Variants in RAC1 observed in about 807,000 individuals in gnomAD.
The protein encoded by RAC1 is Rac family small GTPase 1, also known as ras-related C3 botulinum toxin substrate 1.
A neutral mutation model predicts 25.2 loss-of-function variants in RAC1; 2 were observed. The ratio of observed to expected loss-of-function variants is 0.08; its 90% CI spans 0.03 to 0.25. RAC1 has a LOEUF of 0.25. Ranked by LOEUF, RAC1 falls within the 10% of genes least tolerant of loss-of-function variation. The pLI is 1.00. For missense variants in RAC1, 50 were observed against 235.7 expected, an observed-to-expected ratio of 0.21 and a Z score of 5.16; for synonymous variants, 88 against 94.0, an observed-to-expected ratio of 0.94 and a Z score of 0.37.
chr7:6,385,558 A>C (rs745394185), intron 1 of RAC1, among the ~76,000 whole-genome samples: 1 of 152,146 alleles, frequency 6.6e-6, no homozygotes, highest in Non-Finnish European at 1.5e-5. Flanking sequence ...CCAATGAGTC[A>C]TTTCTGTTTA....
intron 1 of RAC1, among the ~76,000 whole-genome samples, chr7:6,379,177 C>G (rs796412591): frequency 2.0e-4 from 30 of 151,878 alleles, no homozygotes; most frequent in African/African-American, 7.2e-4. Context: ...TATTGGCTCA[C>G]TGCAGCCTCC....
chr7:6,390,962 A>G (rs868089469), intron 2 of RAC1, among the ~76,000 whole-genome samples: 2 of 152,062 alleles, frequency 1.3e-5, no homozygotes, highest in Non-Finnish European at 2.9e-5. Flanking sequence ...CAGTGGCGCA[A>G]CTTGGCCCAC....
At chr7:6,388,381 T>C (rs1402402813) in intron 2 of RAC1, among the ~76,000 whole-genome samples, 1 of 146,236 alleles carries the variant, frequency 6.8e-6, no homozygotes, top group Non-Finnish European at 1.5e-5. Context: ...AGTCTCTCTC[T>C]CTTGCCCAGG....
Position 6,374,771 on chromosome 7 carries a change from G to A in RAC1, c.35+1G>A. 1 of 1,144,228 alleles carries A rather than the reference G, an allele frequency of 8.7e-7. No individual in the cohort carries two copies. The highest frequency in any genetic ancestry group is 3.4e-5 in the South Asian group (1 of 29,132). 70.9% of individuals were successfully genotyped at this position (1,144,228 alleles called of 1,614,324 possible). On this transcript the variant is annotated splice_donor_variant, in intron 1 of 5. Coordinates refer to ENST00000348035, the MANE Select transcript of RAC1 (RefSeq NM_006908.5). LOFTEE classifies it high-confidence loss of function. Reference sequence around the variant, plus strand: ...TCAAGTGTGTGGTGGTGGGAGACGGGTGAGTGCGCGGCCGGGGCCGGGCTG... The same window carrying A: ...TCAAGTGTGTGGTGGTGGGAGACGGATGAGTGCGCGGCCGGGGCCGGGCTG...
Position 6,403,195 on chromosome 7 carries a change from A to G in RAC1, c.*749A>G, listed in dbSNP as rs1583272533. The stretch of plus-strand genomic sequence containing the variant: ...GACAAAATACGAAGTGGAGATTTAC[A>G]CTACATTGTACAAGGAATGAAAGTG... On this transcript the variant is annotated 3_prime_UTR_variant, in exon 6 of 6. Coordinates refer to ENST00000348035, the MANE Select transcript of RAC1 (RefSeq NM_006908.5). 3 of 222,170 alleles carry G rather than the reference A, an allele frequency of 1.4e-5. No homozygotes were observed. In the East Asian group the frequency reaches 2.0e-4, roughly 15 times the overall value. The allele number at this position is 222,170 out of a possible 1,614,324, so 13.8% of individuals were successfully genotyped here. A position where few individuals can be genotyped will look rare whatever the true frequency, so the allele number is the denominator to read the frequency against.
chr7:6,399,763 C>A lies in RAC1; in HGVS notation c.226-363C>A, dbSNP rs925405506. 1.5e-5 allele frequency: 3 copies of A among 201,844 alleles called. No homozygotes were observed. In the Admixed American group the frequency reaches 1.7e-4, roughly 11 times the overall value. The allele number at this position is 201,844 out of a possible 1,614,324, so 12.5% of individuals were successfully genotyped here. A position where few individuals can be genotyped will look rare whatever the true frequency, so the allele number is the denominator to read the frequency against. On this transcript the variant is annotated intron_variant, in intron 3 of 5. Transcript: ENST00000348035. ...GTGACCATCTAAAACTGTTTGTACT[C>A]TAAACCAGATTTTACAGAAATATTG... is the stretch of plus-strand genomic sequence containing the variant.
chr7:6,401,295 A>G (rs1011048213), intron 4 of RAC1, among the ~76,000 whole-genome samples: 50 of 152,158 alleles, frequency 3.3e-4, no homozygotes, highest in African/African-American at 1.1e-3. Context: ...CTGGTTCAGA[A>G]GTTTCCTGGG....
intron 4 of RAC1, among the ~76,000 whole-genome samples, chr7:6,400,985 C>G (rs899843739): frequency 6.6e-6 from 1 of 151,934 alleles, no homozygotes; most frequent in Non-Finnish European, 1.5e-5. Flanking sequence ...GAGACAGAAT[C>G]TTGCACTGTC....
chr7:6,391,015 G>T (rs545783720), intron 2 of RAC1, among the ~76,000 whole-genome samples: 49 of 152,036 alleles, frequency 3.2e-4, no homozygotes, highest in Non-Finnish European at 1.0e-4. Context: ...TCTTGCCTCA[G>T]CCTCCCAAGT....
intron 3 of RAC1, among the ~76,000 whole-genome samples, chr7:6,395,928 G>A (rs574552726): frequency 1.3e-5 from 2 of 152,124 alleles, no homozygotes; most frequent in African/African-American, 4.8e-5. Context: ...CCAGATGCCC[G>A]CCCTGTCTTA....
intron 1 of RAC1, among the ~76,000 whole-genome samples, chr7:6,378,227 G>C (rs1278777366): frequency 6.6e-6 from 1 of 152,070 alleles, no homozygotes; most frequent in South Asian, 2.1e-4. Flanking sequence ...GACCCTGACT[G>C]ATAGAGACTG....
chr7:6,380,925 A>T (rs375891942), intron 1 of RAC1, among the ~76,000 whole-genome samples: 5 of 151,544 alleles, frequency 3.3e-5, no homozygotes, highest in Admixed American at 2.6e-4. Flanking sequence ...CTGGAGTGCA[A>T]TGGCATGATC....
At chr7:6,398,473 T>C (rs1783308437) in intron 3 of RAC1, among the ~76,000 whole-genome samples, 1 of 152,232 alleles carries the variant, frequency 6.6e-6, no homozygotes, top group Non-Finnish European at 1.5e-5. Flanking sequence ...TAACGCCTGC[T>C]TTTGACCAGG....
chr7:6,388,898 G>A (rs553918348), intron 2 of RAC1, among the ~76,000 whole-genome samples: 5 of 151,900 alleles, frequency 3.3e-5, no homozygotes, highest in South Asian at 2.1e-4. Flanking sequence ...GACAATGGAT[G>A]TTTTAAATTT....
chr7:6,396,171 G>C (rs1239025500), intron 3 of RAC1, among the ~76,000 whole-genome samples: 2 of 152,214 alleles, frequency 1.3e-5, no homozygotes, highest in African/African-American at 4.8e-5. Flanking sequence ...ACCGGAGACA[G>C]CCTGAGGCTC....
chr7:6,375,658 TTTTCTTTC>T (rs1393142051), intron 1 of RAC1, among the ~76,000 whole-genome samples: 1 of 151,650 alleles, frequency 6.6e-6, no homozygotes, highest in Non-Finnish European at 1.5e-5. Context: ...CTGTTTTTTC[TTTTCTTTC>T]TTTCTTTTTT....
At chr7:6,377,487 G>A (rs1306673569) in intron 1 of RAC1, among the ~76,000 whole-genome samples, 2 of 152,102 alleles carry the variant, frequency 1.3e-5, no homozygotes, top group African/African-American at 4.8e-5. Context: ...CCAGCTACTC[G>A]GGAGGCTAAG....
chr7:6,381,558 A>C (rs898510828), intron 1 of RAC1, among the ~76,000 whole-genome samples: 1 of 151,228 alleles, frequency 6.6e-6, no homozygotes, highest in Non-Finnish European at 1.5e-5. Context: ...ACACCCAGCT[A>C]ATTTCTTTTG....
At chr7:6,384,546 C>G (rs1329756461) in intron 1 of RAC1, among the ~76,000 whole-genome samples, 1 of 152,142 alleles carries the variant, frequency 6.6e-6, no homozygotes, top group African/African-American at 2.4e-5. Context: ...GGTGTGATCA[C>G]AGCTCACTGC....
Sources: allele counts gnomAD v4.1 joint callset (sites outside exome capture counted in the v4.1 genomes callset), GRCh38; gene constraint gnomAD v4.1.1; transcripts MANE v1.5; gene names NCBI Gene and HGNC (gene_info 2026-07-23, HGNC 2026-07-21).